Variants in PRR16 observed in about 807,000 individuals in gnomAD.
The protein encoded by PRR16 is proline rich 16, also known as protein Largen.
A neutral mutation model predicts 18.2 loss-of-function variants in PRR16; 6 were observed. The ratio of observed to expected loss-of-function variants is 0.33; its 90% CI spans 0.18 to 0.65. The LOEUF (loss-of-function observed/expected upper bound fraction) is 0.65, where lower values mean the gene tolerates loss of function less well. Ranked by LOEUF, PRR16 falls within the 30% of genes least tolerant of loss-of-function variation. The pLI, the probability that PRR16 is intolerant of heterozygous loss-of-function variation, is 0.74. For missense variants in PRR16, 412 were observed against 376.6 expected, an observed-to-expected ratio of 1.09 and a Z score of -0.78; for synonymous variants, 151 against 147.8, an observed-to-expected ratio of 1.02 and a Z score of -0.16.
the PRR16 span, among the ~76,000 whole-genome samples, chr5:120,792,260 G>A: frequency 6.6e-6 from 1 of 152,198 alleles, no homozygotes; most frequent in Non-Finnish European, 1.5e-5. Context: ...GATCAGGCCT[G>A]CTCTTCAGCA....
chr5:120,582,940 G>A (rs1753322123), intron 1 of PRR16, among the ~76,000 whole-genome samples: 1 of 152,236 alleles, frequency 6.6e-6, no homozygotes, highest in Non-Finnish European at 1.5e-5. Flanking sequence ...AACAGTTTGT[G>A]TGGGTCTCAG....
intron 1 of PRR16, among the ~76,000 whole-genome samples, chr5:120,488,990 A>G (rs1279738747): frequency 6.6e-6 from 1 of 152,094 alleles, no homozygotes; most frequent in Non-Finnish European, 1.5e-5. Flanking sequence ...CCTGAGTTCT[A>G]GTTTGATTGC....
intron 1 of PRR16, chr5:120,481,131 T>C: frequency 2.6e-6 from 3 of 1,167,292 alleles, no homozygotes; most frequent in South Asian, 1.4e-5. Context: ...ACTTTACCAA[T>C]GTTTTAAAAT....
chr5:120,713,530 G>T, the PRR16 span, among the ~76,000 whole-genome samples: 1 of 152,102 alleles, frequency 6.6e-6, no homozygotes, highest in East Asian at 1.9e-4. Flanking sequence ...GTGGGAAATA[G>T]AAATTGAAAA....
At chr5:120,497,005 G>C (rs948518703) in intron 1 of PRR16, among the ~76,000 whole-genome samples, 1 of 152,056 alleles carries the variant, frequency 6.6e-6, no homozygotes, top group Non-Finnish European at 1.5e-5. Context: ...CCAGTTTAGA[G>C]ATTTTAATGT....
At chr5:120,668,531 T>C (rs1269748915) in intron 1 of PRR16, among the ~76,000 whole-genome samples, 2 of 152,190 alleles carry the variant, frequency 1.3e-5, no homozygotes, top group Non-Finnish European at 2.9e-5. Flanking sequence ...CGTTAGTTGA[T>C]GGAGTTTCTT....
At chr5:120,678,761 A>G (rs1756884274) in intron 1 of PRR16, among the ~76,000 whole-genome samples, 1 of 152,076 alleles carries the variant, frequency 6.6e-6, no homozygotes, top group African/African-American at 2.4e-5. Context: ...TTATTTTCCA[A>G]TTTGGATTCC....
chr5:120,552,764 C>T (rs1192746729), intron 1 of PRR16, among the ~76,000 whole-genome samples: 4 of 151,858 alleles, frequency 2.6e-5, no homozygotes, highest in Non-Finnish European at 4.4e-5. Context: ...GAAAATTTTG[C>T]CGATGAAATC....
intron 1 of PRR16, among the ~76,000 whole-genome samples, chr5:120,643,248 T>C (rs1454764551): frequency 6.6e-6 from 1 of 151,972 alleles, no homozygotes; most frequent in African/African-American, 2.4e-5. Flanking sequence ...GACCCACAAA[T>C]TGGATGTGAG....
rs113629370 is a variant in PRR16, at chr5:120,562,758, A to G, written c.159+98113A>G. Among the ~76,000 whole-genome samples the G allele has an allele frequency of 1.8e-3, 274 of 152,278 alleles. 1 individual carries two copies. The highest frequency in any genetic ancestry group is 6.1e-3 in the African/African-American group (254 of 41,572). ...TGGCATAAACAGACAAAAACATGGA[A>G]TTAAAACTAATAAAAACTCTACACC... On this transcript the variant is annotated intron_variant, in intron 1 of 1. Transcript: ENST00000407149.
intron 1 of PRR16, among the ~76,000 whole-genome samples, chr5:120,482,430 T>G (rs1424163296): frequency 6.6e-6 from 1 of 152,218 alleles, no homozygotes; most frequent in East Asian, 1.9e-4. Flanking sequence ...GGCCTCCGGC[T>G]GCATCCATGT....
intron 1 of PRR16, among the ~76,000 whole-genome samples, chr5:120,620,487 G>C (rs890302042): frequency 2.6e-5 from 4 of 152,140 alleles, no homozygotes; most frequent in African/African-American, 9.7e-5. Context: ...GCCTTAATCA[G>C]AAAATAAGTA....
intron 1 of PRR16, among the ~76,000 whole-genome samples, chr5:120,492,781 G>C (rs575675253): frequency 2.3e-4 from 35 of 152,208 alleles, no homozygotes; most frequent in African/African-American, 8.2e-4. Context: ...TCATAGCTTA[G>C]ATCCCAGTTA....
At chr5:120,529,497 G>A (rs914132246) in intron 1 of PRR16, among the ~76,000 whole-genome samples, 3 of 152,060 alleles carry the variant, frequency 2.0e-5, no homozygotes, top group Non-Finnish European at 2.9e-5. Flanking sequence ...GTAAAACAAC[G>A]AGCACACTAC....
chr5:120,580,325 G>A (rs751433498), intron 1 of PRR16, among the ~76,000 whole-genome samples: 12 of 151,910 alleles, frequency 7.9e-5, no homozygotes, highest in Non-Finnish European at 1.5e-4. Context: ...CAAAGGGAAT[G>A]CTTCCACCTT....
chr5:120,722,132 T>G, the PRR16 span, among the ~76,000 whole-genome samples: 1 of 152,182 alleles, frequency 6.6e-6, no homozygotes, highest in East Asian at 1.9e-4. Context: ...TTTGGTTTTC[T>G]GTTCCTGTGT....
chr5:120,657,008 A>AT (rs1273647098), intron 1 of PRR16, among the ~76,000 whole-genome samples: 1 of 151,954 alleles, frequency 6.6e-6, no homozygotes, highest in African/African-American at 2.4e-5. Context: ...GAGCCACGTG[A>AT]TTTTTTAAAT....
chr5:120,791,309 C>A, the PRR16 span, among the ~76,000 whole-genome samples: 2 of 151,536 alleles, frequency 1.3e-5, no homozygotes, highest in Admixed American at 1.3e-4. Flanking sequence ...ATTGTGCTTT[C>A]TGTTTTCTAA....
intron 1 of PRR16, among the ~76,000 whole-genome samples, chr5:120,628,985 T>C (rs533959249): frequency 6.6e-6 from 1 of 152,172 alleles, no homozygotes; most frequent in East Asian, 1.9e-4. Context: ...ATAAGCCAGA[T>C]AATAAGCATA....
Sources: gnomAD v4.1 joint callset for allele counts (sites outside exome capture counted in the v4.1 genomes callset) on GRCh38, gnomAD v4.1.1 for gene constraint, MANE v1.5 for transcripts, NCBI Gene and HGNC (gene_info 2026-07-23, HGNC 2026-07-21) for gene names.